UBE2J1: variants seen among roughly 807,000 people sequenced by gnomAD.
The protein encoded by UBE2J1 is ubiquitin conjugating enzyme E2 J1, also known as ubiquitin-conjugating enzyme E2 J1.
A neutral mutation model predicts 42.1 loss-of-function variants in UBE2J1; 17 were observed. The ratio of observed to expected loss-of-function variants is 0.40; its 90% CI spans 0.28 to 0.61. UBE2J1 has a LOEUF of 0.61. Among genes scored for constraint, UBE2J1 ranks in the 20% least tolerant of loss-of-function variants. The probability of loss-of-function intolerance (pLI) is 0.38; values close to 1 mark genes in which losing one functional copy is unlikely to be tolerated. For synonymous variants in UBE2J1, 127 were observed against 137.2 expected, an observed-to-expected ratio of 0.93 and a Z score of 0.52; for missense variants, 291 against 389.4, an observed-to-expected ratio of 0.75 and a Z score of 2.13.
At chr6:89,331,298 C>T (rs2127860057) in intron 7 of UBE2J1, among the ~76,000 whole-genome samples, 1 of 152,200 alleles carries the variant, frequency 6.6e-6, no homozygotes, top group South Asian at 2.1e-4. Context: ...ACTTAACTTG[C>T]AATTTTAGAC....
At chr6:89,342,855 A>G (rs1042591732) in intron 2 of UBE2J1, among the ~76,000 whole-genome samples, 3 of 152,202 alleles carry the variant, frequency 2.0e-5, no homozygotes, top group Non-Finnish European at 4.4e-5. Context: ...TAGATGCCTA[A>G]GAGCTTATTT....
chr6:89,332,989 CA>C, intron 7 of UBE2J1, 96 bp downstream of exon 7: 2 of 1,228,922 alleles, frequency 1.6e-6, no homozygotes, highest in Non-Finnish European at 2.2e-6. Context: ...TTAAGAGAAC[CA>C]AATTTTTCAG....
chr6:89,333,141 G>A lies in UBE2J1; in HGVS notation c.623C>T (p.Thr208Ile), dbSNP rs1208880817. 1 of 1,613,266 alleles carries A rather than the reference G, an allele frequency of 6.2e-7. No homozygotes were observed. The highest frequency in any genetic ancestry group is 1.7e-5 in the Admixed American group (1 of 59,980). ...TGTAGGTATATCATCTTGTAAATCA[G>A]TTAGTGAAAAAGAGTGGTTTAAGTC... ...ESDLNHSFSLTDLQDDIPTTF... is the reference protein window; with the variant it reads ...ESDLNHSFSLIDLQDDIPTTF... The change falls in exon 7 of 8, where the codon ACT becomes ATT. Residue 208 changes from threonine to isoleucine, a missense_variant. By Grantham distance (89) the Thr-to-Ile change is moderately conservative. Coordinates refer to ENST00000435041, the MANE Select transcript of UBE2J1 (RefSeq NM_016021.3).
At chr6:89,333,236 GACAACAGGAA>G (rs780682156) in intron 6 of UBE2J1, 31 bp from the exon 7 acceptor site, 42 of 1,585,074 alleles carry the variant, frequency 2.6e-5, no homozygotes, top group South Asian at 2.1e-4. Context: ...AGAGCAGTGT[GACAACAGGAA>G]ACAACAGGAA....
chr6:89,329,685 CTCAAAG>C lies in UBE2J1; in HGVS notation c.945_950del (p.Asp315_Phe316del). ...CATAAGTCACAAAACCATATTATAA[CTCAAAG>C]TCAAATATGTATTCGTTTGCCAGAT... is the stretch of plus-strand genomic sequence containing the variant. On this transcript the variant is annotated inframe_deletion, in exon 8 of 8. Transcript: ENST00000435041. 2 of 1,614,006 alleles carry C rather than the reference CTCAAAG, an allele frequency of 1.2e-6. No homozygotes were observed. The highest frequency in any genetic ancestry group is 8.5e-7 in the Non-Finnish European group (1 of 1,179,942).
At position 89,329,797 on chromosome 6, in the gene UBE2J1, T is replaced by C. The variant is rs766552187; in HGVS notation, c.839A>G (p.Asn280Ser). The C allele has an allele frequency of 5.6e-6, 9 of 1,614,050 alleles. No homozygotes were observed. In the Admixed American group the frequency reaches 8.3e-5, roughly 15 times the overall value. The change falls in exon 8 of 8, where the codon AAC (asparagine) becomes AGC (serine). Residue 280 changes from asparagine to serine, a missense_variant. Asn to Ser is a conservative substitution (Grantham distance 46, BLOSUM62 1). Around this residue, in one of 2 missense-constraint regions of UBE2J1, gnomAD observed 176 missense variants for 196.3 expected, o/e 0.90. Transcript: ENST00000435041. ...AGCTGACCCACCATGATCAGTGTGG[T>C]TGTCTCTTGGCTGGTGGCCCTGGAT... ...DVIQGHQPRD[N>S]HTDHGGSAVL...
intron 5 of UBE2J1, among the ~76,000 whole-genome samples, chr6:89,337,370 TA>T (rs1768130492): frequency 1.3e-5 from 2 of 152,026 alleles, no homozygotes; most frequent in African/African-American, 4.8e-5. Context: ...ATAAATAAAG[TA>T]CATACCCATA....
intron 3 of UBE2J1, among the ~76,000 whole-genome samples, chr6:89,341,124 C>T (rs556055302): frequency 4.1e-4 from 62 of 152,252 alleles, no homozygotes; most frequent in African/African-American, 1.4e-3. Context: ...TTTGCTACTC[C>T]GTGTGGGTAA....
intron 1 of UBE2J1, among the ~76,000 whole-genome samples, chr6:89,351,069 C>CTTTTTTTTTTTTTTT (rs1193022037): frequency 5.0e-5 from 3 of 60,462 alleles, no homozygotes; most frequent in African/African-American, 2.1e-4. Flanking sequence ...CCGGGATTCT[C>CTTTTTTTTTTTTTTT]TTTTTTTTTT....
intron 1 of UBE2J1, among the ~76,000 whole-genome samples, chr6:89,346,159 G>A (rs1283227053): frequency 2.0e-5 from 3 of 152,006 alleles, no homozygotes; most frequent in African/African-American, 7.3e-5. Context: ...TTACAGGCGG[G>A]AATCAGCATG....
At chr6:89,343,049 T>C (rs1336884140) in intron 2 of UBE2J1, among the ~76,000 whole-genome samples, 4 of 152,168 alleles carry the variant, frequency 2.6e-5, no homozygotes, top group Admixed American at 2.0e-4. Context: ...GAGATGTTTA[T>C]ACAAAAAGCC....
intron 2 of UBE2J1, 88 bp downstream of exon 2, chr6:89,343,595 G>T: frequency 1.1e-6 from 1 of 897,018 alleles, no homozygotes; most frequent in Non-Finnish European, 1.7e-6. Flanking sequence ...ACACACATCT[G>T]TAATGACTCA....
Position 89,342,443 on chromosome 6 carries a change from CA to C in UBE2J1, c.117del (p.Phe39LeufsTer24), listed in dbSNP as rs1241691659. 6.2e-7 allele frequency: 1 copy of C among 1,605,040 alleles called. No homozygotes were observed. The highest frequency in any genetic ancestry group is 1.1e-5 in the South Asian group (1 of 89,220). On this transcript the variant is annotated frameshift_variant, in exon 3 of 8. Transcript: ENST00000435041. LOFTEE classifies it high-confidence loss of function. ...YHAQPLEDNL[F>X]EWHFTVRGPP... Reference sequence around the variant, plus strand: ...GGCCCTCTAACCGTGAAGTGCCATTCAAAAAGGTTATCCTGAACAAAAACAA... The same window carrying C: ...GGCCCTCTAACCGTGAAGTGCCATTCAAAAGGTTATCCTGAACAAAAACAA...
intron 7 of UBE2J1, among the ~76,000 whole-genome samples, chr6:89,331,555 T>C (rs1010800757): frequency 4.6e-5 from 7 of 152,142 alleles, no homozygotes; most frequent in Non-Finnish European, 8.8e-5. Flanking sequence ...ATCTACTATA[T>C]AGAAGGCACT....
Position 89,329,568 on chromosome 6 carries a change from G to A in UBE2J1, c.*111C>T, listed in dbSNP as rs1767963607. On this transcript the variant is annotated 3_prime_UTR_variant, in exon 8 of 8. Transcript: ENST00000435041. ...CTAAACTTACAAGGATCAAAAAAAG[G>A]AATGAAGGGTAAATACAAAATAATC... 1 of 1,184,448 alleles carries A rather than the reference G, an allele frequency of 8.4e-7. No individual in the cohort carries two copies. The highest frequency in any genetic ancestry group is 1.6e-5 in the African/African-American group (1 of 64,238). The allele number at this position is 1,184,448 out of a possible 1,614,324, so 73.4% of individuals were successfully genotyped here. A position where few individuals can be genotyped will look rare whatever the true frequency, so the allele number is the denominator to read the frequency against.
intron 1 of UBE2J1, among the ~76,000 whole-genome samples, chr6:89,351,069 C>CCTTT (rs1768466581): frequency 1.7e-5 from 1 of 60,442 alleles, no homozygotes; most frequent in Non-Finnish European, 3.0e-5. Context: ...CCGGGATTCT[C>CCTTT]TTTTTTTTTT....
chr6:89,347,826 C>T (rs1362262187), intron 1 of UBE2J1, among the ~76,000 whole-genome samples: 2 of 152,180 alleles, frequency 1.3e-5, no homozygotes, highest in East Asian at 3.8e-4. Flanking sequence ...CTGATGTTTA[C>T]ATCTGTCAAA....
At chr6:89,340,592 A>G (rs1015799591) in intron 3 of UBE2J1, among the ~76,000 whole-genome samples, 8 of 152,226 alleles carry the variant, frequency 5.3e-5, no homozygotes, top group Non-Finnish European at 1.2e-4. Context: ...CACAACATTC[A>G]TTTTGACTGA....
intron 1 of UBE2J1, among the ~76,000 whole-genome samples, chr6:89,346,517 T>C (rs1768368453): frequency 6.6e-6 from 1 of 152,140 alleles, no homozygotes; most frequent in East Asian, 1.9e-4. Context: ...AGCCTTTCTA[T>C]ACAGCTTTCC....
Sources: gnomAD v4.1 joint callset for allele counts (sites outside exome capture counted in the v4.1 genomes callset) on GRCh38, gnomAD v4.1.1 for gene constraint, gnomAD v4.1.1 regional missense constraint, MANE v1.5 for transcripts, NCBI Gene and HGNC (gene_info 2026-07-23, HGNC 2026-07-21) for gene names.